Variants in SPTBN4 observed in about 807,000 individuals in gnomAD.
SPTBN4 encodes the protein spectrin beta chain, non-erythrocytic 4.
Under a neutral mutation model 277.8 loss-of-function variants are expected in SPTBN4, and 96 were observed. That is an observed-to-expected ratio of 0.35 (90% CI 0.29 to 0.41). The LOEUF is 0.41. Among genes scored for constraint, SPTBN4 ranks in the 10% least tolerant of loss-of-function variants. The pLI, the probability that SPTBN4 is intolerant of heterozygous loss-of-function variation, is 1.00. For missense variants in SPTBN4, 3,006 were observed against 3,595.7 expected (o/e 0.84, Z 4.19); for synonymous variants, 1,481 against 1,580.3 (o/e 0.94, Z 1.49).
At chr19:40,563,671 A>T (rs1011071550) in intron 27 of SPTBN4, among the ~76,000 whole-genome samples, 12 of 151,094 alleles carry the variant, frequency 7.9e-5, no homozygotes, top group Admixed American at 4.0e-4. Context: ...CGGAGATCGC[A>T]CCACTGCAGT....
chr19:40,575,867 G>T lies in SPTBN4; in HGVS notation c.*298G>T. 1 of 267,602 alleles carries T rather than the reference G, an allele frequency of 3.7e-6. No individual in the cohort carries two copies. The highest frequency in any genetic ancestry group is 7.2e-6 in the Non-Finnish European group (1 of 138,624). The allele number at this position is 267,602 out of a possible 1,614,324, so 16.6% of individuals were successfully genotyped here. On this transcript the variant is annotated 3_prime_UTR_variant, in exon 36 of 36. Coordinates refer to ENST00000598249, the MANE Select transcript of SPTBN4 (RefSeq NM_020971.3). The stretch of plus-strand genomic sequence containing the variant: ...TGGGGGTGGGCAGGGGGCCAGTTGA[G>T]CCAAGCCCCCAGCCCCGATCTGCAG...
chr19:40,478,608 C>T (rs532688285), intron 2 of SPTBN4, among the ~76,000 whole-genome samples: 51 of 152,176 alleles, frequency 3.4e-4, no homozygotes, highest in African/African-American at 4.3e-4. Context: ...TGCAATGGCA[C>T]GATCTTGGCT....
chr19:40,506,313 G>A lies in SPTBN4; in HGVS notation c.1743G>A (p.Glu581=). Residue 581 remains glutamate, a synonymous_variant, in exon 13 of 36, where the codon GAG becomes GAA. Transcript: ENST00000598249. ...TGTTGCAGAAGCATGGACTGCTGGAGGGAGACATTGCCGCCCAGAGCGAGC... is the reference window on the plus strand; with the variant it reads ...TGTTGCAGAAGCATGGACTGCTGGAAGGAGACATTGCCGCCCAGAGCGAGC... The part of the protein sequence containing the change: ...DDLLQKHGLL[E]GDIAAQSERV... The A allele has an allele frequency of 3.1e-6, 5 of 1,614,120 alleles. No individual in the cohort carries two copies. Among genetic ancestry groups the A allele is most frequent in the Non-Finnish European group, 3.4e-6 (4 of 1,179,914 alleles).
chr19:40,547,674 C>T (rs1404789710), intron 20 of SPTBN4, among the ~76,000 whole-genome samples: 2 of 152,210 alleles, frequency 1.3e-5, no homozygotes, highest in Non-Finnish European at 2.9e-5. Context: ...TGTTTCTCCA[C>T]ATCCTCTCCA....
intron 20 of SPTBN4, among the ~76,000 whole-genome samples, chr19:40,537,941 G>A (rs2080756886): frequency 6.6e-6 from 1 of 152,238 alleles, no homozygotes; most frequent in South Asian, 2.1e-4. Flanking sequence ...AAAGGTGTGA[G>A]TGGAGAACGG....
chr19:40,569,837 G>A (rs1296419936), intron 32 of SPTBN4, 111 bp downstream of exon 32: 1 of 1,013,536 alleles, frequency 9.9e-7, no homozygotes, highest in East Asian at 2.7e-5. Flanking sequence ...TCCCTACCTG[G>A]ACCCTGCAGA....
At chr19:40,496,446 G>C in intron 6 of SPTBN4, among the ~76,000 whole-genome samples, 1 of 152,066 alleles carries the variant, frequency 6.6e-6, no homozygotes, top group Non-Finnish European at 1.5e-5. Context: ...CACCACGCCC[G>C]GCTAATTTTG....
intron 22 of SPTBN4, among the ~76,000 whole-genome samples, chr19:40,552,465 A>AGATT (rs2080929296): frequency 6.6e-6 from 1 of 151,736 alleles, no homozygotes; most frequent in Non-Finnish European, 1.5e-5. Context: ...CAAAAAAAAA[A>AGATT]AAAAAAAAAG....
chr19:40,536,006 C>T (rs754569958), intron 20 of SPTBN4, among the ~76,000 whole-genome samples: 4 of 151,938 alleles, frequency 2.6e-5, no homozygotes, highest in South Asian at 2.1e-4. Flanking sequence ...ACTATGTGCC[C>T]GGCACTTTTC....
chr19:40,472,527 A>G, intron 1 of SPTBN4, 80 bp from the exon 2 acceptor site: 1 of 1,305,160 alleles, frequency 7.7e-7, no homozygotes, highest in Non-Finnish European at 1.0e-6. Context: ...TGAGGACAAG[A>G]GAGGGGACAG....
Position 40,523,652 on chromosome 19 carries a change from G to A in SPTBN4, c.3857+13G>A. ...GGCTGCTGGAGAAGTAGGTCCCCTA[G>A]ACCCATCCACCCCAGGGAGGGGGCA... is the stretch of plus-strand genomic sequence containing the variant. On this transcript the variant is annotated intron_variant, in intron 17 of 35. Coordinates refer to ENST00000598249, the MANE Select transcript of SPTBN4 (RefSeq NM_020971.3). 1.9e-6 allele frequency: 3 copies of A among 1,597,668 alleles called. No homozygotes were observed. Among genetic ancestry groups the A allele is most frequent in the Non-Finnish European group, 2.6e-6 (3 of 1,169,558 alleles).
In SPTBN4 at chr19:40,513,175, G is replaced by A. The variant is rs1172409263; in HGVS notation, c.2386G>A (p.Ala796Thr). The A allele has an allele frequency of 2.0e-6, 3 of 1,501,606 alleles. No individual in the cohort carries two copies. The highest frequency in any genetic ancestry group is 2.6e-6 in the Non-Finnish European group (3 of 1,133,790). 93.0% of individuals were successfully genotyped at this position (1,501,606 alleles called of 1,614,324 possible). A position where few individuals can be genotyped will look rare whatever the true frequency, so the allele number is the denominator to read the frequency against. The change falls in exon 14 of 36, where the codon GCA (alanine) becomes ACA (threonine). Residue 796 changes from alanine (A) to threonine (T), a missense_variant. By Grantham distance (58) the Ala-to-Thr change is moderately conservative. Coordinates refer to ENST00000598249, the MANE Select transcript of SPTBN4 (RefSeq NM_020971.3). ...LDWLRDAYRL[A>T]AAGDFGHDEA... is the part of the protein sequence containing the mutation. ...CTGGCTTCGCGACGCTTACCGCCTGGCAGCCGCCGGTGACTTCGGCCACGA... is the reference window on the plus strand; with the variant it reads ...CTGGCTTCGCGACGCTTACCGCCTGACAGCCGCCGGTGACTTCGGCCACGA...
At position 40,512,982 on chromosome 19, in the gene SPTBN4, C is replaced by A. The variant is rs567442426; in HGVS notation, c.2193C>A (p.Ala731=). 7.1e-3 allele frequency: 9,969 copies of A among 1,413,244 alleles called. 51 individuals carry two copies. Among genetic ancestry groups the A allele is most frequent in the Non-Finnish European group, 7.8e-3 (8,544 of 1,093,382 alleles). 87.5% of individuals were successfully genotyped at this position (1,413,244 alleles called of 1,614,324 possible). ...AGGAGCTGGTTGCGGCCGGCGGTGC[C>A]GTCGGCCCGGGAGCAGACACCGTGC... is the stretch of plus-strand genomic sequence containing the variant. The part of the protein sequence containing the change: ...CGEELVAAGG[A]VGPGADTVHL... Residue 731 remains alanine, a synonymous_variant, in exon 14 of 36, where the codon GCC becomes GCA. Transcript: ENST00000598249.
chr19:40,530,491 GC>G (rs1294328839), intron 18 of SPTBN4: 44 of 979,634 alleles, frequency 4.5e-5, no homozygotes, highest in Non-Finnish European at 5.1e-5. Flanking sequence ...GGCCGCCGGA[GC>G]CTCAGCCTTC....
At chr19:40,514,213 A>G (rs1399488896) in intron 14 of SPTBN4, among the ~76,000 whole-genome samples, 1 of 152,218 alleles carries the variant, frequency 6.6e-6, no homozygotes, top group Non-Finnish European at 1.5e-5. Context: ...CTGAGTGCCT[A>G]TGCCTTTCTA....
intron 35 of SPTBN4, 81 bp from the exon 36 acceptor site, chr19:40,575,330 G>A: frequency 6.8e-7 from 1 of 1,471,924 alleles, no homozygotes; most frequent in Non-Finnish European, 9.2e-7. Flanking sequence ...ATTTCAGAGA[G>A]GGTAGTCTGA....
chr19:40,483,075 C>G (rs998800098), intron 2 of SPTBN4, among the ~76,000 whole-genome samples: 2 of 152,114 alleles, frequency 1.3e-5, no homozygotes, highest in African/African-American at 2.4e-5. Flanking sequence ...AATCGATGAT[C>G]CCCCAGAATC....
Position 40,487,860 on chromosome 19 carries a change from T to G in SPTBN4, c.321+12T>G, listed in dbSNP as rs778069105. 2.5e-6 allele frequency: 4 copies of G among 1,588,424 alleles called. No homozygotes were observed. The highest frequency in any genetic ancestry group is 1.3e-5 in the African/African-American group (1 of 74,142). On this transcript the variant is annotated intron_variant, in intron 3 of 35. Coordinates refer to ENST00000598249, the MANE Select transcript of SPTBN4 (RefSeq NM_020971.3). ...CTGGGGAGCAGCTGGTGAGGGGGCC[T>G]GAAGGGCTGGGGCAGGGGTCCTCCC... is the stretch of plus-strand genomic sequence containing the variant.
At chr19:40,547,266 G>A (rs918758996) in intron 20 of SPTBN4, among the ~76,000 whole-genome samples, 2 of 146,962 alleles carry the variant, frequency 1.4e-5, no homozygotes, top group African/African-American at 5.1e-5. Context: ...ACCTATGAGT[G>A]AGAACGTGTG....
Sources: allele counts gnomAD v4.1 joint callset (sites outside exome capture counted in the v4.1 genomes callset), GRCh38; gene constraint gnomAD v4.1.1; transcripts MANE v1.5; gene names NCBI Gene and HGNC (gene_info 2026-07-23, HGNC 2026-07-21).